HECTD4: variants seen among roughly 807,000 people sequenced by gnomAD.
The protein encoded by HECTD4 is HECT domain E3 ubiquitin protein ligase 4.
A neutral mutation model predicts 471.5 loss-of-function variants in HECTD4; 114 were observed. That is an observed-to-expected ratio of 0.24 (90% confidence interval 0.21 to 0.28). The LOEUF (loss-of-function observed/expected upper bound fraction) is 0.28. Among genes scored for constraint, HECTD4 ranks in the 10% least tolerant of loss-of-function variants. The pLI, the probability that HECTD4 is intolerant of heterozygous loss-of-function variation, is 1.00. For missense variants in HECTD4, 3,866 were observed against 5,651.5 expected (o/e 0.68, Z 10.13); for synonymous variants, 2,012 against 2,256.0 (o/e 0.89, Z 3.07).
At position 112,236,986 on chromosome 12, in the gene HECTD4, G is replaced by T. The variant is rs765730773; in HGVS notation, c.5403C>A (p.Asp1801Glu). The T allele has an allele frequency of 6.2e-7, 1 of 1,612,736 alleles. No homozygotes were observed. Among genetic ancestry groups the T allele is most frequent in the South Asian group, 1.1e-5 (1 of 90,708 alleles). Residue 1801 changes from aspartate (D) to glutamate (E), a missense_variant, in exon 35 of 76, where the codon GAC becomes GAA. Asp to Glu is a conservative substitution (Grantham distance 45). Transcript: ENST00000682272. ...ECCGNQAAGN[D>E]ALQDVLSLLN... ...GAAGACTAAGGACATCCTGGAGCGC[G>T]TCATTCCCAGCAGCCTGGTTGCCAC... is the stretch of plus-strand genomic sequence containing the variant.
chr12:112,283,080 A>C, intron 8 of HECTD4, 30 bp downstream of exon 8: 2 of 1,575,768 alleles, frequency 1.3e-6, no homozygotes, highest in Non-Finnish European at 1.7e-6. Flanking sequence ...TATACAAGGA[A>C]ACAGATCTGG....
At chr12:112,370,313 A>T (rs1273879102) in intron 1 of HECTD4, among the ~76,000 whole-genome samples, 4 of 152,234 alleles carry the variant, frequency 2.6e-5, no homozygotes, top group Admixed American at 2.6e-4. Flanking sequence ...GACTCATTTC[A>T]AACTTTTGAC....
chr12:112,310,922 T>C (rs1273280193), intron 4 of HECTD4, among the ~76,000 whole-genome samples: 1 of 152,200 alleles, frequency 6.6e-6, no homozygotes, highest in African/African-American at 2.4e-5. Context: ...GGGCTTATTA[T>C]AGTATTCTCT....
chr12:112,370,422 G>A (rs2036643665), intron 1 of HECTD4, among the ~76,000 whole-genome samples: 1 of 152,150 alleles, frequency 6.6e-6, no homozygotes, highest in Non-Finnish European at 1.5e-5. Flanking sequence ...CATCAATAGG[G>A]AATGTCTAAA....
intron 1 of HECTD4, among the ~76,000 whole-genome samples, chr12:112,367,306 AAAAG>A (rs3031822): frequency 0.53 from 71,079 of 133,164 alleles, 20,817 homozygotes; most frequent in Non-Finnish European, 0.66. Context: ...CTCAAAAAAA[AAAAG>A]AAAGAAAGAA....
At position 112,240,003 on chromosome 12, in the gene HECTD4, C is replaced by G. The variant is rs765383464; in HGVS notation, c.4983G>C (p.Gly1661=). The G allele has an allele frequency of 6.2e-7, 1 of 1,613,946 alleles. No individual in the cohort carries two copies. ...AGGCTTCCTGGACCTGCTCGACCAT[C>G]CCACCACATGTGAGTTCTTCAATTC... ...GPRIEELTCG[G]MVEQVQEAFG... The change falls in exon 33 of 76, where the codon GGG becomes GGC. Residue 1661 remains glycine, a synonymous_variant. Coordinates refer to ENST00000682272, the MANE Select transcript of HECTD4 (RefSeq NM_001388303.1).
rs766265071 is a variant in HECTD4 at position 112,204,521 on chromosome 12, T to G, written c.8234A>C (p.Glu2745Ala). 1 of 1,613,696 alleles carries G rather than the reference T, an allele frequency of 6.2e-7. No homozygotes were observed. The highest frequency in any genetic ancestry group is 2.2e-5 in the East Asian group (1 of 44,874). ...TTTATCAATTGTGAACTTGTTTGCT[T>G]CGTCTTTAATGTCTTCAATGGTGGG... Reference protein sequence around the residue: ...YLPTIEDIKDEANKFTIDKVR... With the variant: ...YLPTIEDIKDAANKFTIDKVR... The change falls in exon 53 of 76, where the codon GAA (glutamate) becomes GCA (alanine). Residue 2745 changes from glutamate to alanine, a missense_variant. Glu to Ala is a moderately radical substitution (Grantham distance 107). Transcript: ENST00000682272.
chr12:112,378,012 G>C (rs1056082479), intron 1 of HECTD4, among the ~76,000 whole-genome samples: 40 of 152,120 alleles, frequency 2.6e-4, no homozygotes, highest in Admixed American at 3.3e-4. Context: ...GATTGACTTT[G>C]AGCAGCGCTT....
intron 18 of HECTD4, among the ~76,000 whole-genome samples, chr12:112,260,712 GACT>G (rs2034126232): frequency 6.6e-6 from 1 of 151,442 alleles, no homozygotes; most frequent in Admixed American, 6.6e-5. Context: ...GAGTAGCTGG[GACT>G]ACAGGTGCCT....
At chr12:112,223,067 A>T (rs1249750294) in intron 44 of HECTD4, among the ~76,000 whole-genome samples, 1 of 152,170 alleles carries the variant, frequency 6.6e-6, no homozygotes, top group African/African-American at 2.4e-5. Context: ...GGTAAAAGTA[A>T]GGAGGGTCAG....
intron 1 of HECTD4, among the ~76,000 whole-genome samples, chr12:112,374,721 T>C (rs1270917186): frequency 2.0e-5 from 3 of 152,244 alleles, no homozygotes; most frequent in African/African-American, 7.2e-5. Context: ...AGGCTAGCAG[T>C]GTCCTCCTAG....
chr12:112,372,217 A>T (rs1352838445), intron 1 of HECTD4, among the ~76,000 whole-genome samples: 2 of 150,596 alleles, frequency 1.3e-5, no homozygotes, highest in Non-Finnish European at 3.0e-5. Context: ...GACTCAAGTG[A>T]TCCTCCCACC....
chr12:112,356,066 T>C (rs1430114254), intron 1 of HECTD4, among the ~76,000 whole-genome samples: 1 of 152,150 alleles, frequency 6.6e-6, no homozygotes, highest in Non-Finnish European at 1.5e-5. Context: ...TATCCTTAAA[T>C]TGAGAGTGGC....
chr12:112,234,673 A>G (rs1156364475), intron 37 of HECTD4, among the ~76,000 whole-genome samples: 1 of 152,214 alleles, frequency 6.6e-6, no homozygotes, highest in East Asian at 1.9e-4. Flanking sequence ...TCTCCAACTC[A>G]CAGTCAATGA....
chr12:112,284,458 G>A (rs2034708204), intron 7 of HECTD4, among the ~76,000 whole-genome samples: 1 of 152,220 alleles, frequency 6.6e-6, no homozygotes, highest in South Asian at 2.1e-4. Context: ...ACAGGGAAAG[G>A]TTGGTAACAC....
At chr12:112,301,164 G>T (rs2135674640) in intron 7 of HECTD4, among the ~76,000 whole-genome samples, 1 of 151,222 alleles carries the variant, frequency 6.6e-6, no homozygotes, top group South Asian at 2.1e-4. Flanking sequence ...GGGATTACAG[G>T]CATGAGCCAC....
At chr12:112,263,881 G>A (rs1199007283) in intron 17 of HECTD4, among the ~76,000 whole-genome samples, 1 of 151,934 alleles carries the variant, frequency 6.6e-6, no homozygotes, top group Admixed American at 6.6e-5. Flanking sequence ...AGGAGCACAC[G>A]GATGACACAT....
chr12:112,273,986 A>C (rs895009247), intron 10 of HECTD4, among the ~76,000 whole-genome samples, 191 bp from the exon 11 acceptor site: 3 of 152,224 alleles, frequency 2.0e-5, no homozygotes, highest in Non-Finnish European at 4.4e-5. Context: ...TTAATTTTTA[A>C]TTTTGCTTAA....
At chr12:112,171,004 G>T in intron 68 of HECTD4, 113 bp downstream of exon 68, 2 of 815,546 alleles carry the variant, frequency 2.5e-6, no homozygotes, top group Non-Finnish European at 3.8e-6. Flanking sequence ...GTTGAGGTGG[G>T]GTGGCATCTT....
Sources: allele counts gnomAD v4.1 joint callset (sites outside exome capture counted in the v4.1 genomes callset), GRCh38; gene constraint gnomAD v4.1.1; transcripts MANE v1.5; gene names NCBI Gene and HGNC (gene_info 2026-07-23, HGNC 2026-07-21).